Variants in SMIM35 observed in about 807,000 individuals in gnomAD.
The protein encoded by SMIM35 is TMPRSS4 antisense RNA 1 (non-protein coding).
At chr11:118,048,959 A>AAAAAAAAAAAAAAAAAAAAAAAC (rs1208788629) in intron 1 of SMIM35, among the ~76,000 whole-genome samples, 1 of 151,394 alleles carries the variant, frequency 6.6e-6, no homozygotes, top group Non-Finnish European at 1.5e-5. Flanking sequence ...AAAAAAAAAA[A>AAAAAAAAAAAAAAAAAAAAAAAC]AAAAAGCAAG....
intron 1 of SMIM35, among the ~76,000 whole-genome samples, chr11:118,027,016 C>CTTTTTTTTTTTTTTTTTTTTTTTTTTTTT (rs60864416): frequency 1.1e-5 from 1 of 93,254 alleles, no homozygotes; most frequent in African/African-American, 4.2e-5. Flanking sequence ...ACCACCACCA[C>CTTTTTTTTTTTTTTTTTTTTTTTTTTTTT]TTTTTTTTTT....
chr11:118,019,407 G>A (rs1035269104), intron 1 of SMIM35, among the ~76,000 whole-genome samples: 2 of 152,160 alleles, frequency 1.3e-5, no homozygotes, highest in East Asian at 3.8e-4. Context: ...CCCAGAAAGA[G>A]CCCAGCAGTC....
At chr11:118,080,759 C>G (rs1409604114) in intron 1 of SMIM35, among the ~76,000 whole-genome samples, 1 of 152,146 alleles carries the variant, frequency 6.6e-6, no homozygotes, top group African/African-American at 2.4e-5. Context: ...ACAAGCTTCC[C>G]AAAGCCCCAG....
rs548627346 is a variant in SMIM35, at chr11:118,040,890, A to G, written c.8-25081T>C. On this transcript the variant is annotated intron_variant, in intron 1 of 4. Transcript: ENST00000689828. ...AGTTGATAAACTAATAATTATAACAATATATTGCTGAGTTTGTAACATTAA... is the reference window on the plus strand; with the variant it reads ...AGTTGATAAACTAATAATTATAACAGTATATTGCTGAGTTTGTAACATTAA... 7.9e-5 allele frequency among the ~76,000 whole-genome samples: 12 copies of G among 152,134 alleles called. No homozygotes were observed. In the South Asian group the frequency reaches 2.5e-3, roughly 32 times the overall value.
intron 1 of SMIM35, among the ~76,000 whole-genome samples, chr11:118,084,450 T>C (rs2135251522): frequency 6.6e-6 from 1 of 152,306 alleles, no homozygotes; most frequent in Non-Finnish European, 1.5e-5. Context: ...AAAGCACTAT[T>C]TATAGGATCC....
chr11:118,047,856 C>T lies in SMIM35; in HGVS notation c.8-32047G>A, dbSNP rs1944126468. 2.0e-5 allele frequency among the ~76,000 whole-genome samples: 3 copies of T among 152,176 alleles called. No homozygotes were observed. In the South Asian group the frequency reaches 6.2e-4, roughly 32 times the overall value. On this transcript the variant is annotated intron_variant, in intron 1 of 4. Coordinates refer to ENST00000689828, the MANE Select transcript of SMIM35 (RefSeq NM_001394165.1). The stretch of plus-strand genomic sequence containing the variant: ...CTCCACATTTGTCCCAGGGTACTGG[C>T]TTGAGTGCCTAAGCTTTGCTAGGCA...
chr11:118,036,166 C>T (rs1185163161), intron 1 of SMIM35, among the ~76,000 whole-genome samples: 6 of 152,150 alleles, frequency 3.9e-5, no homozygotes, highest in Non-Finnish European at 7.4e-5. Context: ...GGATTACAGG[C>T]ATGAGCCACC....
At chr11:118,011,519 C>T (rs184803951) in intron 4 of SMIM35, among the ~76,000 whole-genome samples, 178 of 152,182 alleles carry the variant, frequency 1.2e-3, no homozygotes, top group African/African-American at 4.1e-3. Context: ...TAGTGAAACC[C>T]CATCTGTACT....
intron 1 of SMIM35, among the ~76,000 whole-genome samples, chr11:118,040,774 G>A (rs905585586): frequency 6.6e-6 from 1 of 151,954 alleles, no homozygotes; most frequent in Non-Finnish European, 1.5e-5. Context: ...GTAAGGTTAG[G>A]CCTATAACAT....
intron 1 of SMIM35, among the ~76,000 whole-genome samples, chr11:118,083,957 T>G (rs1480997931): frequency 2.0e-5 from 3 of 152,030 alleles, no homozygotes; most frequent in Non-Finnish European, 4.4e-5. Context: ...AGAATCGCTT[T>G]TACCTGGGAG....
intron 1 of SMIM35, among the ~76,000 whole-genome samples, chr11:118,072,874 C>T (rs1260323208): frequency 6.6e-6 from 1 of 152,218 alleles, no homozygotes; most frequent in East Asian, 1.9e-4. Flanking sequence ...CCATTTACAA[C>T]ATCTCTCTTA....
In SMIM35 at chr11:118,007,874, C is replaced by T. The variant is rs1250188131; in HGVS notation, c.*34-1498G>A. 2.1e-5 allele frequency among the ~76,000 whole-genome samples: 3 copies of T among 145,064 alleles called. No individual in the cohort carries two copies. The East Asian group carries it at 6.0e-4, about 29-fold the overall frequency. ...GATTTGTTTTTCAACTTCTTGCTTT[C>T]TTTTTTTTTTTTTCTTTTGACAGTC... On this transcript the variant is annotated intron_variant, in intron 4 of 4. Coordinates refer to ENST00000689828, the MANE Select transcript of SMIM35 (RefSeq NM_001394165.1).
intron 1 of SMIM35, chr11:118,077,313 T>C: frequency 6.3e-7 from 1 of 1,598,724 alleles, no homozygotes; most frequent in Admixed American, 1.7e-5. Flanking sequence ...ATGGTGAGTG[T>C]GGGGCCCTCT....
chr11:118,083,500 C>G (rs978088612), intron 1 of SMIM35, among the ~76,000 whole-genome samples: 2 of 152,296 alleles, frequency 1.3e-5, no homozygotes, highest in African/African-American at 4.8e-5. Flanking sequence ...TGCTCAGTTC[C>G]TATTACATAC....
intron 1 of SMIM35, among the ~76,000 whole-genome samples, chr11:118,035,420 G>A (rs1168235826): frequency 6.6e-6 from 1 of 152,184 alleles, no homozygotes; most frequent in Non-Finnish European, 1.5e-5. Flanking sequence ...AGTGGTCAAG[G>A]CACATAGGAG....
intron 1 of SMIM35, among the ~76,000 whole-genome samples, chr11:118,084,364 G>T (rs918296493): frequency 6.6e-6 from 1 of 152,182 alleles, no homozygotes; most frequent in African/African-American, 2.4e-5. Flanking sequence ...ATGTGAGTGG[G>T]CAGGAAAGCA....
At chr11:118,070,532 G>A (rs1202639319) in intron 1 of SMIM35, among the ~76,000 whole-genome samples, 1 of 152,202 alleles carries the variant, frequency 6.6e-6, no homozygotes, top group East Asian at 1.9e-4. Flanking sequence ...ATGGTCTGGA[G>A]TTTATAGTGC....
chr11:118,064,219 G>A (rs1453206710), intron 1 of SMIM35, among the ~76,000 whole-genome samples: 1 of 152,208 alleles, frequency 6.6e-6, no homozygotes, highest in African/African-American at 2.4e-5. Flanking sequence ...ATTGTGGCGT[G>A]AGAACCAAGG....
chr11:118,074,014 G>A (rs1442661374), intron 1 of SMIM35, among the ~76,000 whole-genome samples: 1 of 152,234 alleles, frequency 6.6e-6, no homozygotes, highest in Non-Finnish European at 1.5e-5. Context: ...GAGGTCACCT[G>A]TATGGGACCA....
Sources: allele counts gnomAD v4.1 joint callset (sites outside exome capture counted in the v4.1 genomes callset), GRCh38; gene constraint gnomAD v4.1.1; transcripts MANE v1.5; gene names NCBI Gene and HGNC (gene_info 2026-07-23, HGNC 2026-07-21).